The following CAMK1D variants were observed in gnomAD, a reference collection of about 807,000 sequenced individuals.
CAMK1D encodes the protein calcium/calmodulin dependent protein kinase ID.
Under a neutral mutation model 47.7 loss-of-function variants are expected in CAMK1D, and 9 were observed. The ratio of observed to expected loss-of-function variants is 0.19; its 90% CI spans 0.11 to 0.33. CAMK1D has a LOEUF of 0.33. Among genes scored for constraint, CAMK1D ranks in the 10% least tolerant of loss-of-function variants. The probability of loss-of-function intolerance (pLI) is 1.00; values close to 1 mark genes in which losing one functional copy is unlikely to be tolerated. For synonymous variants in CAMK1D, 184 were observed against 184.9 expected (o/e 0.99, Z 0.04); for missense variants, 291 against 488.7 (o/e 0.60, Z 3.81).
chr10:12,468,715 G>A (rs973189022), intron 1 of CAMK1D, among the ~76,000 whole-genome samples: 2 of 152,168 alleles, frequency 1.3e-5, no homozygotes, highest in Admixed American at 6.5e-5. Flanking sequence ...TGTGATGGGC[G>A]GACGTGGAGT....
At chr10:12,753,385 C>A (rs1238225781) in intron 3 of CAMK1D, among the ~76,000 whole-genome samples, 11 of 152,324 alleles carry the variant, frequency 7.2e-5, no homozygotes, top group Admixed American at 4.6e-4. Flanking sequence ...TGGGGCTATG[C>A]CATGTCAGTG....
intron 1 of CAMK1D, among the ~76,000 whole-genome samples, chr10:12,542,292 T>C (rs1252444361): frequency 6.6e-6 from 1 of 152,160 alleles, no homozygotes. Flanking sequence ...GGGGGTAACG[T>C]CTGCAGGCCC....
At chr10:12,804,249 A>G (rs1411293084) in intron 6 of CAMK1D, among the ~76,000 whole-genome samples, 1 of 152,248 alleles carries the variant, frequency 6.6e-6, no homozygotes, top group Admixed American at 6.5e-5. Flanking sequence ...CAGTACACAC[A>G]CACAAGCATA....
At chr10:12,564,143 C>CTG (rs1257083231) in intron 2 of CAMK1D, among the ~76,000 whole-genome samples, 13 of 132,456 alleles carry the variant, frequency 9.8e-5, no homozygotes, top group South Asian at 9.5e-4. Context: ...CTCTCTCTCT[C>CTG]TCTGTCTCTC....
intron 2 of CAMK1D, among the ~76,000 whole-genome samples, chr10:12,609,981 T>C (rs1838573410): frequency 6.6e-6 from 1 of 152,160 alleles, no homozygotes; most frequent in African/African-American, 2.4e-5. Context: ...TCCATAAGGA[T>C]CATTTCAATC....
At chr10:12,366,183 A>G in intron 1 of CAMK1D, among the ~76,000 whole-genome samples, 1 of 152,236 alleles carries the variant, frequency 6.6e-6, no homozygotes, top group East Asian at 1.9e-4. Flanking sequence ...AAAGTTACCA[A>G]CACAAACCCC....
chr10:12,408,490 A>G (rs779263135), intron 1 of CAMK1D, among the ~76,000 whole-genome samples: 17 of 152,128 alleles, frequency 1.1e-4, no homozygotes, highest in Non-Finnish European at 2.2e-4. Flanking sequence ...TTCATTTTCA[A>G]TGTTGTGTTT....
At chr10:12,602,895 G>GTTATTATTATTATTA (rs71386103) in intron 2 of CAMK1D, among the ~76,000 whole-genome samples, 8,619 of 134,320 alleles carry the variant, frequency 0.064, 340 homozygotes, top group Middle Eastern at 0.13. Flanking sequence ...CTAACTGCTT[G>GTTATTATTATTATTA]TTATTATTAT....
At chr10:12,609,628 C>G (rs1349212626) in intron 2 of CAMK1D, among the ~76,000 whole-genome samples, 1 of 152,098 alleles carries the variant, frequency 6.6e-6, no homozygotes, top group East Asian at 1.9e-4. Flanking sequence ...GAATCTAATG[C>G]CACCACTGAT....
Position 12,666,823 on chromosome 10 carries a change from T to G in CAMK1D, c.299+13T>G. 1 of 1,606,688 alleles carries G rather than the reference T, an allele frequency of 6.2e-7. No homozygotes were observed. Among genetic ancestry groups the G allele is most frequent in the South Asian group, 1.1e-5 (1 of 90,658 alleles). On this transcript the variant is annotated intron_variant, in intron 3 of 10. Coordinates refer to ENST00000619168, the MANE Select transcript of CAMK1D (RefSeq NM_153498.4). ...TGGTCATGCAGCTGTAAGTACCTTG[T>G]TTGATTGATGAGTTTTGAACCAACT...
At chr10:12,494,866 G>A (rs1450435754) in intron 1 of CAMK1D, among the ~76,000 whole-genome samples, 1 of 152,132 alleles carries the variant, frequency 6.6e-6, no homozygotes. Flanking sequence ...ACTGTGCCCA[G>A]CCTGGCCTTG....
In CAMK1D at chr10:12,814,822, C is replaced by A. The variant is rs575800386; in HGVS notation, c.754+515C>A. Among the ~76,000 whole-genome samples, 4 of 152,306 alleles carry A rather than the reference C, an allele frequency of 2.6e-5. No homozygotes were observed. In the South Asian group the frequency reaches 8.3e-4, roughly 32 times the overall value. ...AACAGCTCTCAGAAAGCTTCATGAG[C>A]TACATATTTGCGTTTGACTTGCAAA... On this transcript the variant is annotated intron_variant, in intron 7 of 10. Transcript: ENST00000619168.
chr10:12,801,303 A>T (rs1564571867), intron 6 of CAMK1D, among the ~76,000 whole-genome samples: 1 of 97,844 alleles, frequency 1.0e-5, no homozygotes, highest in East Asian at 2.8e-4. Context: ...GTGTGTATCT[A>T]TCTATCTATC....
At chr10:12,570,907 C>T (rs746346642) in intron 2 of CAMK1D, among the ~76,000 whole-genome samples, 8 of 152,006 alleles carry the variant, frequency 5.3e-5, no homozygotes, top group African/African-American at 1.7e-4. Context: ...GCCGAGATTG[C>T]GTCACTGCAC....
At chr10:12,777,238 G>A (rs1003880759) in intron 5 of CAMK1D, among the ~76,000 whole-genome samples, 1 of 152,152 alleles carries the variant, frequency 6.6e-6, no homozygotes, top group African/African-American at 2.4e-5. Context: ...GGCAGTGGGT[G>A]AAGTAGAAAG....
intron 1 of CAMK1D, among the ~76,000 whole-genome samples, chr10:12,453,534 T>C (rs1345724900): frequency 6.6e-6 from 1 of 152,210 alleles, no homozygotes; most frequent in African/African-American, 2.4e-5. Context: ...ATTGTATGGC[T>C]AGATCATATT....
At chr10:12,547,926 T>C (rs1836448972) in intron 1 of CAMK1D, among the ~76,000 whole-genome samples, 1 of 152,218 alleles carries the variant, frequency 6.6e-6, no homozygotes. Context: ...TTTGGCTAAA[T>C]GATAAAGCAG....
At chr10:12,487,195 G>A (rs1438120522) in intron 1 of CAMK1D, among the ~76,000 whole-genome samples, 11 of 151,990 alleles carry the variant, frequency 7.2e-5, no homozygotes, top group Admixed American at 4.6e-4. Flanking sequence ...AGGAGGCCCC[G>A]GTGTCAGCTG....
chr10:12,787,574 C>T (rs376308206), intron 5 of CAMK1D, among the ~76,000 whole-genome samples: 1 of 152,340 alleles, frequency 6.6e-6, no homozygotes, highest in East Asian at 1.9e-4. Context: ...AGGGCATCCG[C>T]CGGGTCTTTG....
Sources: gnomAD v4.1 joint callset for allele counts (sites outside exome capture counted in the v4.1 genomes callset) on GRCh38, gnomAD v4.1.1 for gene constraint, MANE v1.5 for transcripts, NCBI Gene and HGNC (gene_info 2026-07-23, HGNC 2026-07-21) for gene names.